The following BTF3L4 variants were observed in gnomAD, a reference collection of about 807,000 sequenced individuals.
BTF3L4 encodes the protein basic transcription factor 3 like 4.
In BTF3L4, 6 loss-of-function variants were observed where a neutral mutation model predicts 16.8. That is an observed-to-expected ratio of 0.36 (90% confidence interval 0.20 to 0.71). The LOEUF (loss-of-function observed/expected upper bound fraction) is 0.71, where lower values mean the gene tolerates loss of function less well. Ranked by LOEUF, BTF3L4 falls within the 30% of genes least tolerant of loss-of-function variation. The pLI, the probability that BTF3L4 is intolerant of heterozygous loss-of-function variation, is 0.58. For synonymous variants in BTF3L4, 39 were observed against 59.8 expected (o/e 0.65, Z 1.60); for missense variants, 92 against 186.9 (o/e 0.49, Z 2.96).
intron 2 of BTF3L4, among the ~76,000 whole-genome samples, chr1:52,062,944 C>T (rs535286619): frequency 1.8e-3 from 278 of 152,308 alleles, no homozygotes; most frequent in Non-Finnish European, 2.9e-3. Context: ...CAACGGTTCG[C>T]CCTCCTATGA....
intron 2 of BTF3L4, among the ~76,000 whole-genome samples, chr1:52,060,985 G>A (rs948757069): frequency 6.6e-6 from 1 of 152,206 alleles, no homozygotes; most frequent in Non-Finnish European, 1.5e-5. Flanking sequence ...ATTCGATTTA[G>A]CTGTTGTATA....
intron 4 of BTF3L4, among the ~76,000 whole-genome samples, chr1:52,085,431 G>A (rs900981869): frequency 6.6e-6 from 1 of 150,646 alleles, no homozygotes; most frequent in Non-Finnish European, 1.5e-5. Context: ...GGAGTGCAGT[G>A]GATTACAGGT....
At chr1:52,083,585 TAAAG>T (rs758888096) in intron 4 of BTF3L4, 44 bp downstream of exon 4, 5 of 1,455,520 alleles carry the variant, frequency 3.4e-6, no homozygotes, top group Non-Finnish European at 4.8e-6. Flanking sequence ...CCACCTTACT[TAAAG>T]AACCTAATCA....
intron 3 of BTF3L4, among the ~76,000 whole-genome samples, chr1:52,073,996 CAAAA>C (rs1156937653): frequency 4.0e-5 from 6 of 151,190 alleles, no homozygotes; most frequent in African/African-American, 9.7e-5. Flanking sequence ...GACTCCATCT[CAAAA>C]AAAGAAAAAA....
At chr1:52,075,605 ATATAT>A (rs1030710662) in intron 3 of BTF3L4, among the ~76,000 whole-genome samples, 2 of 146,100 alleles carry the variant, frequency 1.4e-5, no homozygotes, top group Admixed American at 6.8e-5. Flanking sequence ...TATAGTAATT[ATATAT>A]TATATGTAAA....
At chr1:52,060,547 A>G (rs1686483578) in intron 2 of BTF3L4, 1 of 1,224,624 alleles carries the variant, frequency 8.2e-7, no homozygotes, top group Non-Finnish European at 1.1e-6. Context: ...GAAGTCTTTG[A>G]TTCTCTTCAG....
At chr1:52,070,626 T>A (rs1572025205) in intron 3 of BTF3L4, among the ~76,000 whole-genome samples, 1 of 122,462 alleles carries the variant, frequency 8.2e-6, no homozygotes, top group Non-Finnish European at 1.6e-5. Context: ...GTCAAATAAA[T>A]AACCAGCTTT....
intron 3 of BTF3L4, among the ~76,000 whole-genome samples, chr1:52,073,483 A>ATAT (rs1182269872): frequency 8.7e-6 from 1 of 115,192 alleles, no homozygotes; most frequent in East Asian, 2.6e-4. Context: ...TGCACTATAT[A>ATAT]TATGCTACAT....
At chr1:52,069,390 A>G (rs890635748) in intron 3 of BTF3L4, among the ~76,000 whole-genome samples, 3 of 152,182 alleles carry the variant, frequency 2.0e-5, no homozygotes, top group Non-Finnish European at 4.4e-5. Flanking sequence ...CACTTGGGTT[A>G]AAAACAGCTT....
chr1:52,080,363 A>G (rs1643906590), intron 3 of BTF3L4, among the ~76,000 whole-genome samples: 1 of 152,010 alleles, frequency 6.6e-6, no homozygotes. Context: ...GAACTGGAAG[A>G]CTTCTAAGTT....
At chr1:52,083,693 T>A in intron 4 of BTF3L4, 152 bp downstream of exon 4, 1 of 672,846 alleles carries the variant, frequency 1.5e-6, no homozygotes. Context: ...ATTTTGAGTT[T>A]GTTTAATGAT....
At chr1:52,063,929 T>A (rs1686581679) in intron 2 of BTF3L4, among the ~76,000 whole-genome samples, 1 of 152,212 alleles carries the variant, frequency 6.6e-6, no homozygotes. Flanking sequence ...ATCCATTTTC[T>A]ACATAGCAAC....
At chr1:52,065,014 T>C (rs1686609647) in intron 3 of BTF3L4, 76 bp downstream of exon 3, 3 of 762,782 alleles carry the variant, frequency 3.9e-6, no homozygotes, top group East Asian at 2.9e-5. Context: ...AGATGTAAAA[T>C]ATCAGCTTAG....
chr1:52,074,744 G>A (rs1482017585), intron 3 of BTF3L4, among the ~76,000 whole-genome samples: 2 of 151,844 alleles, frequency 1.3e-5, no homozygotes, highest in Non-Finnish European at 2.9e-5. Context: ...CCTGACCTCA[G>A]GTGATCCACC....
At chr1:52,082,034 A>G (rs1348447994) in intron 3 of BTF3L4, among the ~76,000 whole-genome samples, 1 of 152,212 alleles carries the variant, frequency 6.6e-6, no homozygotes, top group African/African-American at 2.4e-5. Flanking sequence ...AAATGCTTCT[A>G]AAGTAGCCAA....
At chr1:52,081,956 C>T (rs1319090778) in intron 3 of BTF3L4, among the ~76,000 whole-genome samples, 1 of 152,116 alleles carries the variant, frequency 6.6e-6, no homozygotes, top group African/African-American at 2.4e-5. Flanking sequence ...AGCCCTCTTC[C>T]CACTGTCCAT....
chr1:52,077,888 C>T (rs189238262), intron 3 of BTF3L4, among the ~76,000 whole-genome samples: 202 of 152,142 alleles, frequency 1.3e-3, no homozygotes, highest in Non-Finnish European at 2.0e-3. Flanking sequence ...CTTAAAATGC[C>T]CCTAATTCTG....
intron 3 of BTF3L4, among the ~76,000 whole-genome samples, chr1:52,077,002 C>G (rs1469164914): frequency 6.6e-6 from 1 of 152,024 alleles, no homozygotes; most frequent in Non-Finnish European, 1.5e-5. Flanking sequence ...CACCGTGTCT[C>G]TAAAGAAAAT....
intron 2 of BTF3L4, among the ~76,000 whole-genome samples, chr1:52,064,321 C>G (rs1435940068): frequency 3.9e-5 from 6 of 152,064 alleles, no homozygotes; most frequent in Non-Finnish European, 1.5e-5. Flanking sequence ...CTTAATAGTA[C>G]TTAATCCCAT....
Sources: gnomAD v4.1 joint callset for allele counts (sites outside exome capture counted in the v4.1 genomes callset) on GRCh38, gnomAD v4.1.1 for gene constraint, MANE v1.5 for transcripts, NCBI Gene and HGNC (gene_info 2026-07-23, HGNC 2026-07-21) for gene names.